Variants in SLTM observed in about 807,000 individuals in gnomAD.
SLTM encodes the protein SAFB like transcription modulator, also known as SAFB-like transcription modulator.
A neutral mutation model predicts 134.6 loss-of-function variants in SLTM; 43 were observed. The observed-to-expected ratio is 0.32, with a 90% CI of 0.25 to 0.41. SLTM has a LOEUF of 0.41. SLTM is among the 10% of genes least tolerant of loss of function. The probability of loss-of-function intolerance (pLI) is 1.00; values close to 1 mark genes in which losing one functional copy is unlikely to be tolerated. For missense variants in SLTM, 1,055 were observed against 1,288.8 expected, an observed-to-expected ratio of 0.82 and a Z score of 2.78; for synonymous variants, 424 against 432.3, an observed-to-expected ratio of 0.98 and a Z score of 0.24.
At chr15:58,933,273 CT>C (rs2038020851) in intron 1 of SLTM, 130 bp downstream of exon 1, 2 of 992,608 alleles carry the variant, frequency 2.0e-6, no homozygotes, top group African/African-American at 3.4e-5. Context: ...GGAGCCGCCC[CT>C]GGCCTCCCTA....
In SLTM at chr15:58,879,464, CA is replaced by C. The variant is rs1324222007; in HGVS notation, c.*534del. 6.6e-6 allele frequency: 1 copy of C among 152,652 alleles called. No individual in the cohort carries two copies. The highest frequency in any genetic ancestry group is 1.5e-5 in the Non-Finnish European group (1 of 68,066). 9.5% of individuals were successfully genotyped at this position (152,652 alleles called of 1,614,324 possible). ...TGAAGGTTTATTTCAAAAAAGATTA[CA>C]TTTTTTTAAACCAGGATACACAGAT... On this transcript the variant is annotated 3_prime_UTR_variant, in exon 21 of 21. Transcript: ENST00000380516.
At chr15:58,905,625 GCA>G (rs1256369161) in intron 5 of SLTM, among the ~76,000 whole-genome samples, 1 of 152,000 alleles carries the variant, frequency 6.6e-6, no homozygotes, top group Non-Finnish European at 1.5e-5. Context: ...GATGCGAAGA[GCA>G]CACCACTTCC....
At chr15:58,912,199 A>T (rs1047316308) in intron 5 of SLTM, among the ~76,000 whole-genome samples, 1 of 150,486 alleles carries the variant, frequency 6.6e-6, no homozygotes, top group Non-Finnish European at 1.5e-5. Flanking sequence ...TCCTGCGTTC[A>T]TGCCATTCTC....
At chr15:58,919,685 T>C (rs1395829547) in intron 2 of SLTM, among the ~76,000 whole-genome samples, 1 of 152,096 alleles carries the variant, frequency 6.6e-6, no homozygotes, top group Non-Finnish European at 1.5e-5. Flanking sequence ...CACCACCAAA[T>C]AGCCTATAGA....
intron 16 of SLTM, 86 bp downstream of exon 16, chr15:58,889,344 G>A (rs2034484292): frequency 1.3e-6 from 2 of 1,532,568 alleles, no homozygotes; most frequent in Non-Finnish European, 1.8e-6. Flanking sequence ...CCAGTGATGG[G>A]AGCCTGTACT....
At chr15:58,886,289 C>A (rs2034202405) in intron 19 of SLTM, among the ~76,000 whole-genome samples, 1 of 132,482 alleles carries the variant, frequency 7.5e-6, no homozygotes, top group African/African-American at 2.9e-5. Flanking sequence ...TTTTTCCAGA[C>A]AGGGTCTGGC....
At chr15:58,893,409 T>C in intron 12 of SLTM, 45 bp from the exon 13 acceptor site, 1 of 1,380,528 alleles carries the variant, frequency 7.2e-7, no homozygotes, top group African/African-American at 1.5e-5. Flanking sequence ...AATTTTTCAT[T>C]GAGAAAGAAA....
intron 5 of SLTM, among the ~76,000 whole-genome samples, chr15:58,904,114 C>A (rs550953729): frequency 1.3e-5 from 2 of 152,192 alleles, no homozygotes; most frequent in East Asian, 1.9e-4. Context: ...GTTGATCCTC[C>A]GGCCTCGGCC....
chr15:58,881,133 GC>G (rs1160379314), intron 20 of SLTM, among the ~76,000 whole-genome samples: 2 of 151,972 alleles, frequency 1.3e-5, no homozygotes, highest in Non-Finnish European at 2.9e-5. Flanking sequence ...GGCAGAGGTT[GC>G]AGTGAGCTGA....
Position 58,889,474 on chromosome 15 carries a change from T to G in SLTM, c.2160A>C (p.Gln720His). ...RRQQQQLRYE[Q>H]EKRNSLKRPR... Reference sequence around the variant, plus strand: ...GGCGTTTCAAGGAATTCCTTTTTTCTTGTTCATAACGAAGCTGCTGTTGTT... The same window carrying G: ...GGCGTTTCAAGGAATTCCTTTTTTCGTGTTCATAACGAAGCTGCTGTTGTT... Residue 720 changes from glutamine (Q) to histidine (H), a missense_variant, in exon 16 of 21, where the codon CAA becomes CAC. Physicochemically the swap from Gln to His is conservative, Grantham distance 24. Around this residue, in one of 3 missense-constraint regions of SLTM, gnomAD observed 776 missense variants for 962.2 expected, o/e 0.81. Coordinates refer to ENST00000380516, the MANE Select transcript of SLTM (RefSeq NM_024755.4). 1 of 1,614,136 alleles carries G rather than the reference T, an allele frequency of 6.2e-7. No homozygotes were observed. Among genetic ancestry groups the G allele is most frequent in the Non-Finnish European group, 8.5e-7 (1 of 1,179,952 alleles).
intron 19 of SLTM, among the ~76,000 whole-genome samples, chr15:58,885,530 C>T (rs1298544282): frequency 1.3e-5 from 2 of 152,110 alleles, no homozygotes; most frequent in Non-Finnish European, 2.9e-5. Context: ...CGTCATGGTT[C>T]ATGCTTGTAA....
intron 5 of SLTM, among the ~76,000 whole-genome samples, chr15:58,902,810 G>A (rs1245358655): frequency 6.6e-6 from 1 of 151,060 alleles, no homozygotes; most frequent in Non-Finnish European, 1.5e-5. Context: ...TGCAACCTCC[G>A]CCTCCTGTGT....
intron 16 of SLTM, chr15:58,888,800 A>G (rs2034429361): frequency 2.8e-6 from 1 of 351,248 alleles, no homozygotes; most frequent in Non-Finnish European, 5.1e-6. Context: ...TTTCCATTAA[A>G]TGGAAAAGAC....
At chr15:58,913,393 T>A in intron 4 of SLTM, 106 bp downstream of exon 4, 2 of 938,134 alleles carry the variant, frequency 2.1e-6, no homozygotes, top group Non-Finnish European at 3.1e-6. Flanking sequence ...TAGTAACACA[T>A]CTTTTAAAAA....
Position 58,886,972 on chromosome 15 carries a change from T to C in SLTM, c.2835+3A>G, listed in dbSNP as rs2034261009. ...CTCGCGGCAAGCCTCCCGCAGCACT[T>C]ACCTGTGATCCACCTCCTCGGTCTG... is the stretch of plus-strand genomic sequence containing the variant. On this transcript the variant is annotated splice_donor_region_variant and intron_variant, in intron 19 of 20. Transcript: ENST00000380516. 1.9e-6 allele frequency: 3 copies of C among 1,612,128 alleles called. No homozygotes were observed. The highest frequency in any genetic ancestry group is 2.5e-6 in the Non-Finnish European group (3 of 1,179,996).
At chr15:58,888,750 A>C in intron 16 of SLTM, 195 bp from the exon 17 acceptor site, 1 of 431,160 alleles carries the variant, frequency 2.3e-6, no homozygotes, top group East Asian at 3.6e-5. Context: ...GTGTGAGAGG[A>C]ATTTAACAGG....
intron 5 of SLTM, among the ~76,000 whole-genome samples, chr15:58,905,550 T>C (rs1228502922): frequency 6.6e-6 from 1 of 151,946 alleles, no homozygotes; most frequent in Non-Finnish European, 1.5e-5. Flanking sequence ...TTTAGAAAAA[T>C]ATATTTTAAA....
At position 58,890,427 on chromosome 15, in the gene SLTM, GCT is replaced by G. The variant is rs779868133; in HGVS notation, c.1931_1932del (p.Glu644AlafsTer5). ...TCACGAATTATTCTAATGCGTTCTCGCTCTCGACGCTCTCTCTCTGCAATCTC... is the reference window on the plus strand; with the variant it reads ...TCACGAATTATTCTAATGCGTTCTCGCTCGACGCTCTCTCTCTGCAATCTC... Reference protein sequence around the residue: ...RREIAERERRERERIRIIRER... With the variant: ...RREIAERERRXRERIRIIRER... On this transcript the variant is annotated frameshift_variant, in exon 15 of 21. Coordinates refer to ENST00000380516, the MANE Select transcript of SLTM (RefSeq NM_024755.4). LOFTEE classifies it high-confidence loss of function. 6.2e-7 allele frequency: 1 copy of G among 1,613,412 alleles called. No individual in the cohort carries two copies. Among genetic ancestry groups the G allele is most frequent in the African/African-American group, 1.3e-5 (1 of 74,888 alleles).
intron 5 of SLTM, among the ~76,000 whole-genome samples, chr15:58,911,210 G>A (rs2036247087): frequency 6.6e-6 from 1 of 152,142 alleles, no homozygotes; most frequent in Non-Finnish European, 1.5e-5. Flanking sequence ...TGACAGAGAG[G>A]CAATATATAG....
Sources: gnomAD v4.1 joint callset for allele counts (sites outside exome capture counted in the v4.1 genomes callset) on GRCh38, gnomAD v4.1.1 for gene constraint, gnomAD v4.1.1 regional missense constraint, MANE v1.5 for transcripts, NCBI Gene and HGNC (gene_info 2026-07-23, HGNC 2026-07-21) for gene names.